Variants in CCDC178 observed in about 807,000 individuals in gnomAD.
CCDC178 encodes the protein coiled-coil domain-containing protein 178.
Under a neutral mutation model 117.4 loss-of-function variants are expected in CCDC178, and 126 were observed. That is an observed-to-expected ratio of 1.07 (90% CI 0.93 to 1.24). The LOEUF is 1.24. Among genes scored for constraint, CCDC178 ranks in the 50% most tolerant of loss-of-function variants. The pLI, the probability that CCDC178 is intolerant of heterozygous loss-of-function variation, is 0.00. For synonymous variants in CCDC178, 283 were observed against 313.4 expected (o/e 0.90, Z 1.02); for missense variants, 1,030 against 986.9 (o/e 1.04, Z -0.59).
chr18:33,357,372 C>G (rs1326826156), intron 6 of CCDC178, among the ~76,000 whole-genome samples: 4 of 152,078 alleles, frequency 2.6e-5, no homozygotes, highest in Non-Finnish European at 4.4e-5. Flanking sequence ...AATCTCCTAT[C>G]TATTCATATT....
chr18:33,003,496 T>A (rs993464204), intron 21 of CCDC178, among the ~76,000 whole-genome samples: 2 of 152,044 alleles, frequency 1.3e-5, no homozygotes, highest in Non-Finnish European at 2.9e-5. Context: ...CCTTTCATAA[T>A]AAGAACCCTC....
chr18:33,379,365 A>T (rs1301315160), intron 5 of CCDC178, among the ~76,000 whole-genome samples: 1 of 151,984 alleles, frequency 6.6e-6, no homozygotes, highest in Non-Finnish European at 1.5e-5. Flanking sequence ...CCTACAAGCC[A>T]ATAGATGCCA....
At chr18:33,221,396 A>G (rs1331644433) in intron 18 of CCDC178, among the ~76,000 whole-genome samples, 1 of 152,098 alleles carries the variant, frequency 6.6e-6, no homozygotes, top group African/African-American at 2.4e-5. Context: ...GCTCAGTAAA[A>G]GAGGGAAAGA....
intron 11 of CCDC178, among the ~76,000 whole-genome samples, chr18:33,295,852 GT>G (rs2062100228): frequency 6.6e-6 from 1 of 152,078 alleles, no homozygotes; most frequent in African/African-American, 2.4e-5. Flanking sequence ...GGTACAAGCC[GT>G]TCTGGAAGAC....
chr18:33,015,567 AAAC>A (rs1326558089), intron 21 of CCDC178, among the ~76,000 whole-genome samples: 28 of 150,040 alleles, frequency 1.9e-4, no homozygotes, highest in South Asian at 4.2e-4. Flanking sequence ...TCCGTCTCAA[AAAC>A]AACAACAACA....
chr18:33,132,860 G>A (rs2058082198), intron 20 of CCDC178, among the ~76,000 whole-genome samples: 1 of 151,680 alleles, frequency 6.6e-6, no homozygotes, highest in African/African-American at 2.4e-5. Flanking sequence ...TTATAATGAT[G>A]ATGTAATAAT....
At chr18:33,089,900 T>C (rs1402097937) in intron 21 of CCDC178, among the ~76,000 whole-genome samples, 2 of 146,556 alleles carry the variant, frequency 1.4e-5, no homozygotes, top group East Asian at 3.9e-4. Context: ...CTTCATGTAT[T>C]TCTAGTGTTT....
At chr18:33,160,898 C>CA (rs1568025796) in intron 20 of CCDC178, among the ~76,000 whole-genome samples, 1 of 152,036 alleles carries the variant, frequency 6.6e-6, no homozygotes, top group African/African-American at 2.4e-5. Context: ...TTACATTTTC[C>CA]AAAAAATTAC....
chr18:33,354,920 A>G (rs2063033774), intron 7 of CCDC178, among the ~76,000 whole-genome samples: 2 of 151,998 alleles, frequency 1.3e-5, no homozygotes, highest in African/African-American at 4.8e-5. Context: ...TAGAATTTCT[A>G]TTTGGTTAAT....
chr18:33,207,839 C>G (rs1330304520), intron 20 of CCDC178, among the ~76,000 whole-genome samples: 2 of 151,950 alleles, frequency 1.3e-5, no homozygotes, highest in African/African-American at 2.4e-5. Flanking sequence ...GAAGCTTCTT[C>G]CTTGTTTAAT....
At chr18:33,122,605 A>G (rs936441195) in intron 20 of CCDC178, among the ~76,000 whole-genome samples, 1 of 152,172 alleles carries the variant, frequency 6.6e-6, no homozygotes, top group African/African-American at 2.4e-5. Flanking sequence ...GTGAGATCAT[A>G]GTCTTCTAAG....
At chr18:32,961,327 A>C (rs80257460) in intron 22 of CCDC178, among the ~76,000 whole-genome samples, 10,129 of 152,220 alleles carry the variant, frequency 0.067, 459 homozygotes, top group Middle Eastern at 0.11. Flanking sequence ...TGAATTCATT[A>C]ATTCTTTTTA....
intron 11 of CCDC178, among the ~76,000 whole-genome samples, chr18:33,300,834 G>A (rs1049136367): frequency 3.3e-5 from 5 of 152,176 alleles, no homozygotes; most frequent in Admixed American, 6.5e-5. Flanking sequence ...TATTTAAAAG[G>A]GAAGCAGAGA....
chr18:33,233,090 T>C (rs2059386129), intron 15 of CCDC178, among the ~76,000 whole-genome samples: 1 of 152,184 alleles, frequency 6.6e-6, no homozygotes, highest in Non-Finnish European at 1.5e-5. Context: ...AAACAATTAT[T>C]GTTGACCTCA....
intron 20 of CCDC178, among the ~76,000 whole-genome samples, chr18:33,101,526 G>T (rs187259599): frequency 1.1e-4 from 17 of 151,950 alleles, no homozygotes; most frequent in African/African-American, 3.6e-4. Context: ...TAATATCTTT[G>T]TACTGATGGC....
At chr18:33,255,238 C>T (rs1372270779) in intron 14 of CCDC178, among the ~76,000 whole-genome samples, 2 of 152,000 alleles carry the variant, frequency 1.3e-5, no homozygotes, top group East Asian at 1.9e-4. Flanking sequence ...ACTCAATAAA[C>T]CTCTTTTCTT....
At chr18:33,427,634 G>T (rs983801178) in intron 2 of CCDC178, among the ~76,000 whole-genome samples, 1 of 152,056 alleles carries the variant, frequency 6.6e-6, no homozygotes, top group Non-Finnish European at 1.5e-5. Context: ...TCATGGTTTT[G>T]CTAAAGCCAA....
In CCDC178 at chr18:33,129,477, A is replaced by C. The variant is rs1270399174; in HGVS notation, c.2239-36567T>G. On this transcript the variant is annotated intron_variant, in intron 20 of 22. Coordinates refer to ENST00000383096, the MANE Select transcript of CCDC178 (RefSeq NM_001105528.4). ...ATGGCAATTTTATGCCCTTGAAAAA[A>C]AGTGGAACCCTGATAAGATCACATC... 2.6e-5 allele frequency among the ~76,000 whole-genome samples: 4 copies of C among 152,088 alleles called. No individual in the cohort carries two copies. In the East Asian group the frequency reaches 7.7e-4, roughly 29 times the overall value.
intron 5 of CCDC178, among the ~76,000 whole-genome samples, chr18:33,374,067 C>T (rs979948679): frequency 1.3e-5 from 2 of 152,144 alleles, no homozygotes; most frequent in African/African-American, 4.8e-5. Flanking sequence ...GACAGTTTCC[C>T]AACTGCAATA....
Sources: gnomAD v4.1 joint callset for allele counts (sites outside exome capture counted in the v4.1 genomes callset) on GRCh38, gnomAD v4.1.1 for gene constraint, MANE v1.5 for transcripts, NCBI Gene and HGNC (gene_info 2026-07-23, HGNC 2026-07-21) for gene names.